The following KIAA1328 variants were observed in gnomAD, a reference collection of about 807,000 sequenced individuals.
The protein encoded by KIAA1328 is protein hinderin.
In KIAA1328, 52 loss-of-function variants were observed where a neutral mutation model predicts 68.1. That is an observed-to-expected ratio of 0.76 (90% CI 0.61 to 0.96). The LOEUF (loss-of-function observed/expected upper bound fraction) is 0.96. Among genes scored for constraint, KIAA1328 ranks in the 40% least tolerant of loss-of-function variants. The pLI is 0.00. For synonymous variants in KIAA1328, 232 were observed against 239.4 expected, an observed-to-expected ratio of 0.97 and a Z score of 0.28; for missense variants, 641 against 677.6, an observed-to-expected ratio of 0.95 and a Z score of 0.60.
intron 4 of KIAA1328, among the ~76,000 whole-genome samples, chr18:36,850,710 A>T (rs992819807): frequency 1.3e-5 from 2 of 152,154 alleles, no homozygotes; most frequent in Admixed American, 1.3e-4. Context: ...ACTGAGAGGG[A>T]TGCTACATGA....
chr18:36,950,546 G>A lies in KIAA1328; in HGVS notation c.449-8762G>A, dbSNP rs969336367. Among the ~76,000 whole-genome samples the A allele has an allele frequency of 5.3e-5, 8 of 152,230 alleles. No homozygotes were observed. The South Asian group carries it at 8.3e-4, about 16-fold the overall frequency. ...ACTTTATGGTATTTACTATGATAAAGGTGCTTAACTCTGCCTGGGAGGTCA... is the reference window on the plus strand; with the variant it reads ...ACTTTATGGTATTTACTATGATAAAAGTGCTTAACTCTGCCTGGGAGGTCA... On this transcript the variant is annotated intron_variant, in intron 5 of 9. Coordinates refer to ENST00000280020, the MANE Select transcript of KIAA1328 (RefSeq NM_020776.3).
chr18:36,993,125 C>CA (rs1337206145), intron 6 of KIAA1328, among the ~76,000 whole-genome samples: 3 of 151,448 alleles, frequency 2.0e-5, no homozygotes, highest in Non-Finnish European at 4.4e-5. Context: ...AACAAACAAA[C>CA]AAAAAAAAGT....
chr18:36,912,111 C>T (rs2049476609), intron 5 of KIAA1328, among the ~76,000 whole-genome samples: 1 of 152,092 alleles, frequency 6.6e-6, no homozygotes, highest in Non-Finnish European at 1.5e-5. Context: ...TTAAAATTTT[C>T]TGTTTATATG....
At chr18:36,967,426 A>T (rs1200287007) in intron 6 of KIAA1328, among the ~76,000 whole-genome samples, 11 of 152,250 alleles carry the variant, frequency 7.2e-5, no homozygotes, top group African/African-American at 2.7e-4. Context: ...ACCTGGATTC[A>T]GTCTTGTGAG....
intron 4 of KIAA1328, among the ~76,000 whole-genome samples, chr18:36,863,092 C>T (rs1404169073): frequency 1.3e-5 from 2 of 151,978 alleles, no homozygotes; most frequent in South Asian, 2.1e-4. Flanking sequence ...TTTGCAAATA[C>T]TTTTATCTAG....
At chr18:37,037,903 C>T (rs2055090779) in intron 6 of KIAA1328, among the ~76,000 whole-genome samples, 1 of 152,108 alleles carries the variant, frequency 6.6e-6, no homozygotes, top group Non-Finnish European at 1.5e-5. Context: ...AGATTGAGAC[C>T]ATCCTGGCTA....
chr18:36,976,685 A>G (rs1009922076), intron 6 of KIAA1328, among the ~76,000 whole-genome samples: 28 of 151,970 alleles, frequency 1.8e-4, no homozygotes, highest in Admixed American at 1.5e-3. Flanking sequence ...TTAGAATACT[A>G]TATTCTAAAT....
chr18:37,100,556 A>G (rs2057577377), intron 7 of KIAA1328, among the ~76,000 whole-genome samples: 1 of 152,320 alleles, frequency 6.6e-6, no homozygotes, highest in Non-Finnish European at 1.5e-5. Flanking sequence ...CCGCAGCTCA[A>G]GAAGACCCTC....
chr18:37,075,806 A>C (rs1487860235), intron 7 of KIAA1328, among the ~76,000 whole-genome samples: 24 of 152,340 alleles, frequency 1.6e-4, no homozygotes, highest in Admixed American at 1.6e-3. Context: ...ATATGCACCC[A>C]ATACAGGAGC....
intron 9 of KIAA1328, among the ~76,000 whole-genome samples, chr18:37,217,841 A>T (rs1283487731): frequency 2.0e-5 from 3 of 152,152 alleles, no homozygotes; most frequent in Non-Finnish European, 2.9e-5. Context: ...ACATAGTCTC[A>T]TATTTCTTGG....
chr18:37,151,961 G>C (rs768116124), intron 7 of KIAA1328, among the ~76,000 whole-genome samples: 83 of 152,014 alleles, frequency 5.5e-4, no homozygotes, highest in Non-Finnish European at 9.3e-4. Flanking sequence ...TGGCCTTGCA[G>C]GGGGTCTTGT....
intron 4 of KIAA1328, among the ~76,000 whole-genome samples, chr18:36,882,364 T>C (rs1248788767): frequency 6.6e-6 from 1 of 152,190 alleles, no homozygotes; most frequent in Non-Finnish European, 1.5e-5. Context: ...ATATACTTCA[T>C]TGGAAATACT....
intron 7 of KIAA1328, among the ~76,000 whole-genome samples, chr18:37,118,781 G>A (rs536189043): frequency 6.6e-6 from 1 of 152,178 alleles, no homozygotes; most frequent in South Asian, 2.1e-4. Context: ...AGGTCAGCTG[G>A]GGAAATGGTT....
intron 8 of KIAA1328, among the ~76,000 whole-genome samples, chr18:37,160,932 T>A (rs772099488): frequency 6.6e-6 from 1 of 152,200 alleles, no homozygotes; most frequent in Non-Finnish European, 1.5e-5. Context: ...TGTTAAATGT[T>A]GAGTGAAGCA....
intron 6 of KIAA1328, among the ~76,000 whole-genome samples, chr18:37,006,454 T>G (rs1199014784): frequency 6.6e-6 from 1 of 152,168 alleles, no homozygotes; most frequent in African/African-American, 2.4e-5. Context: ...AAACAAATTC[T>G]TAGTTTGTAG....
intron 3 of KIAA1328, among the ~76,000 whole-genome samples, chr18:36,839,845 AAC>A (rs2046800186): frequency 6.6e-6 from 1 of 152,090 alleles, no homozygotes; most frequent in South Asian, 2.1e-4. Context: ...GGCTGGTGGG[AAC>A]AGACTGTTCT....
intron 6 of KIAA1328, among the ~76,000 whole-genome samples, chr18:36,984,901 T>A (rs2052848763): frequency 4.7e-5 from 2 of 42,340 alleles, no homozygotes; most frequent in African/African-American, 7.7e-5. Context: ...CAAGACTCCA[T>A]CTCAAAAAAA....
intron 7 of KIAA1328, among the ~76,000 whole-genome samples, chr18:37,148,912 G>A (rs1158405801): frequency 6.6e-6 from 1 of 152,136 alleles, no homozygotes; most frequent in Non-Finnish European, 1.5e-5. Context: ...ACCCCACTAT[G>A]TAGGTTGCCT....
intron 6 of KIAA1328, among the ~76,000 whole-genome samples, chr18:36,982,188 C>A: frequency 7.0e-6 from 1 of 143,170 alleles, no homozygotes; most frequent in Non-Finnish European, 1.5e-5. Context: ...ACTGGAGTTC[C>A]TGAAGGAGAG....
Sources: gnomAD v4.1 joint callset for allele counts (sites outside exome capture counted in the v4.1 genomes callset) on GRCh38, gnomAD v4.1.1 for gene constraint, MANE v1.5 for transcripts, NCBI Gene and HGNC (gene_info 2026-07-23, HGNC 2026-07-21) for gene names.